The following GARNL3 variants were observed in gnomAD, a reference collection of about 807,000 sequenced individuals.
The protein encoded by GARNL3 is GTPase-activating Rap/Ran-GAP domain-like protein 3.
A neutral mutation model predicts 125.0 loss-of-function variants in GARNL3; 63 were observed. The observed-to-expected ratio is 0.50, with a 90% CI of 0.41 to 0.62. The LOEUF (loss-of-function observed/expected upper bound fraction) is 0.62. GARNL3 is among the 20% of genes least tolerant of loss of function. The pLI, the probability that GARNL3 is intolerant of heterozygous loss-of-function variation, is 0.00. For synonymous variants in GARNL3, 439 were observed against 457.5 expected, an observed-to-expected ratio of 0.96 and a Z score of 0.52; for missense variants, 994 against 1,244.0, an observed-to-expected ratio of 0.80 and a Z score of 3.02.
intron 1 of GARNL3, among the ~76,000 whole-genome samples, chr9:127,267,215 C>T (rs887569334): frequency 1.8e-4 from 28 of 152,122 alleles, no homozygotes; most frequent in Admixed American, 1.6e-3. Context: ...TCCTCTGGGG[C>T]CATGACTGTG....
rs544424916 is a variant in GARNL3 at position 127,280,208 on chromosome 9, T to C, written c.145-10960T>C. On this transcript the variant is annotated intron_variant, in intron 1 of 27. Coordinates refer to ENST00000373387, the MANE Select transcript of GARNL3 (RefSeq NM_032293.5). The surrounding 1 kb of genome is among the most constrained non-coding windows in gnomAD (Gnocchi z 4.5). ...AAATCTCCCCCAGCCCCTTGGCATGTTGGGGAAACTAAACTCCCTGGGATG... is the reference window on the plus strand; with the variant it reads ...AAATCTCCCCCAGCCCCTTGGCATGCTGGGGAAACTAAACTCCCTGGGATG... Among the ~76,000 whole-genome samples the C allele has an allele frequency of 2.0e-5, 3 of 152,298 alleles. No individual in the cohort carries two copies. Among genetic ancestry groups the C allele is most frequent in the South Asian group, 2.1e-4 (1 of 4,820 alleles).
rs769501029 is a variant in GARNL3, at chr9:127,333,233, C to A, written c.769+112C>A. On this transcript the variant is annotated intron_variant, in intron 9 of 27. Transcript: ENST00000373387. ...GGGGGAAGGGATGGATGAGAGAAGA[C>A]TGGAGGGAGGTGAGCTCCACACCCT... 8 of 807,642 alleles carry A rather than the reference C, an allele frequency of 9.9e-6. No individual in the cohort carries two copies. In the East Asian group the frequency reaches 2.1e-4, roughly 21 times the overall value. The allele number at this position is 807,642 out of a possible 1,614,324, so 50.0% of individuals were successfully genotyped here.
At chr9:127,343,733 A>G (rs898589930) in intron 14 of GARNL3, among the ~76,000 whole-genome samples, 12 of 152,230 alleles carry the variant, frequency 7.9e-5, no homozygotes, top group Non-Finnish European at 2.9e-5. Context: ...CCTTACATGC[A>G]TTGCCTCATT....
chr9:127,227,205 G>A (rs2062928150), intron 1 of GARNL3, among the ~76,000 whole-genome samples: 1 of 152,154 alleles, frequency 6.6e-6, no homozygotes, highest in Admixed American at 6.5e-5. Context: ...AAAGACTAAT[G>A]ATTTCCTGGC....
upstream of GARNL3, chr9:127,263,705 C>G (rs1178747919): frequency 4.3e-6 from 5 of 1,157,410 alleles, no homozygotes; most frequent in Non-Finnish European, 5.3e-6. Context: ...GGAACACTTT[C>G]AAACTGCATG....
chr9:127,307,452 TAGG>T (rs540697611), intron 2 of GARNL3, among the ~76,000 whole-genome samples: 2 of 152,198 alleles, frequency 1.3e-5, no homozygotes, highest in Non-Finnish European at 2.9e-5. Context: ...GATGACAGCT[TAGG>T]AGTTTACTCT....
chr9:127,232,252 C>T (rs990501159), intron 1 of GARNL3, among the ~76,000 whole-genome samples: 3 of 152,140 alleles, frequency 2.0e-5, no homozygotes, highest in African/African-American at 7.2e-5. Context: ...CTTGTAATCA[C>T]CATTGAACCC....
chr9:127,344,914 C>A (rs1414035014), intron 15 of GARNL3, among the ~76,000 whole-genome samples: 1 of 152,208 alleles, frequency 6.6e-6, no homozygotes, highest in East Asian at 1.9e-4. Flanking sequence ...CTTGATCACA[C>A]ATCACAGCAT....
chr9:127,273,906 C>G (rs748203107), intron 1 of GARNL3, among the ~76,000 whole-genome samples: 3 of 152,180 alleles, frequency 2.0e-5, no homozygotes, highest in African/African-American at 4.8e-5. Flanking sequence ...TGGCTTATCT[C>G]TAACAGTCTT....
chr9:127,251,692 A>G (rs2063406752), intron 2 of GARNL3, among the ~76,000 whole-genome samples: 3 of 152,214 alleles, frequency 2.0e-5, no homozygotes, highest in South Asian at 2.1e-4. Context: ...ATTTATTTTT[A>G]TGTTTGAGAC....
intron 2 of GARNL3, among the ~76,000 whole-genome samples, chr9:127,247,119 T>C (rs1305592923): frequency 6.6e-6 from 1 of 151,994 alleles, no homozygotes; most frequent in Non-Finnish European, 1.5e-5. Context: ...GAAAGTCAAA[T>C]TGAGGGACAT....
At chr9:127,314,107 C>A (rs1256172624) in intron 4 of GARNL3, among the ~76,000 whole-genome samples, 1 of 152,198 alleles carries the variant, frequency 6.6e-6, no homozygotes, top group Non-Finnish European at 1.5e-5. Context: ...ACAGTGCCAG[C>A]TATTTGCCTT....
intron 2 of GARNL3, chr9:127,300,628 T>C (rs953723675): frequency 3.4e-6 from 1 of 293,802 alleles, no homozygotes; most frequent in Non-Finnish European, 6.5e-6. Flanking sequence ...CTAATTTTTG[T>C]ATTGTTAGTA....
At chr9:127,238,278 G>A (rs544241685) in intron 1 of GARNL3, among the ~76,000 whole-genome samples, 2 of 152,200 alleles carry the variant, frequency 1.3e-5, no homozygotes, top group East Asian at 3.9e-4. Context: ...CTCTTAATTA[G>A]GCCTCATCAG....
chr9:127,382,811 G>A (rs1337227006), intron 22 of GARNL3, among the ~76,000 whole-genome samples: 3 of 152,122 alleles, frequency 2.0e-5, no homozygotes, highest in Admixed American at 6.5e-5. Flanking sequence ...TTCACCAAGA[G>A]GATACAAGCG....
At chr9:127,287,572 C>A (rs1212306818) in intron 1 of GARNL3, among the ~76,000 whole-genome samples, 1 of 152,232 alleles carries the variant, frequency 6.6e-6, no homozygotes, top group Non-Finnish European at 1.5e-5. Context: ...GCCACCACAG[C>A]CCCCTCTGCT....
intron 13 of GARNL3, among the ~76,000 whole-genome samples, chr9:127,341,714 T>G (rs1182695892): frequency 6.6e-6 from 1 of 152,178 alleles, no homozygotes; most frequent in African/African-American, 2.4e-5. Flanking sequence ...GGACCCGGCT[T>G]ATAAGTGGAG....
intron 22 of GARNL3, among the ~76,000 whole-genome samples, chr9:127,374,030 G>T (rs1414460433): frequency 1.3e-5 from 2 of 151,644 alleles, no homozygotes; most frequent in East Asian, 3.9e-4. Context: ...GGCTGGGTGC[G>T]GTGCTTCACG....
At chr9:127,325,216 G>A (rs2065531257) in intron 7 of GARNL3, 121 bp downstream of exon 7, 9 of 911,592 alleles carry the variant, frequency 9.9e-6, no homozygotes, top group Non-Finnish European at 1.4e-5. Context: ...TTTGCACAGT[G>A]GGACACATTG....
Sources: gnomAD v4.1 joint callset for allele counts (sites outside exome capture counted in the v4.1 genomes callset) on GRCh38, gnomAD v4.1.1 for gene constraint, Gnocchi (gnomAD v3.1) non-coding constraint, MANE v1.5 for transcripts, NCBI Gene and HGNC (gene_info 2026-07-23, HGNC 2026-07-21) for gene names.